Variants in PLXDC2 observed in about 807,000 individuals in gnomAD.
PLXDC2 encodes plexin domain-containing protein 2.
PLXDC2 carries 40 observed loss-of-function variants against 68.9 expected under a neutral mutation model. That is an observed-to-expected ratio of 0.58 (90% CI 0.45 to 0.76). The LOEUF (loss-of-function observed/expected upper bound fraction) is 0.76. PLXDC2 is among the 30% of genes least tolerant of loss of function. PLXDC2 has a pLI of 0.00. For synonymous variants in PLXDC2, 243 were observed against 234.2 expected (o/e 1.04, Z -0.34); for missense variants, 644 against 661.9 (o/e 0.97, Z 0.30).
intron 1 of PLXDC2, among the ~76,000 whole-genome samples, chr10:19,912,807 T>C (rs916128975): frequency 6.6e-6 from 1 of 152,170 alleles, no homozygotes; most frequent in African/African-American, 2.4e-5. Flanking sequence ...TAGCTCTTTC[T>C]CTAGCTAGAC....
intron 1 of PLXDC2, among the ~76,000 whole-genome samples, chr10:19,970,651 G>T (rs1197889053): frequency 6.6e-6 from 1 of 152,120 alleles, no homozygotes; most frequent in Non-Finnish European, 1.5e-5. Context: ...ATGTCATTGT[G>T]TAAACATAAA....
chr10:20,074,459 A>G (rs922517691), intron 4 of PLXDC2, among the ~76,000 whole-genome samples: 1 of 152,112 alleles, frequency 6.6e-6, no homozygotes, highest in Non-Finnish European at 1.5e-5. Flanking sequence ...GAGGTATGGT[A>G]TATTAAAATT....
intron 3 of PLXDC2, among the ~76,000 whole-genome samples, chr10:20,059,089 CAAG>C (rs1463323106): frequency 5.9e-5 from 9 of 152,266 alleles, no homozygotes; most frequent in African/African-American, 2.2e-4. Context: ...TGAATTGTAA[CAAG>C]AACCCTAGGT....
intron 2 of PLXDC2, among the ~76,000 whole-genome samples, chr10:20,045,914 C>T (rs1031207195): frequency 6.6e-6 from 1 of 151,994 alleles, no homozygotes; most frequent in East Asian, 1.9e-4. Context: ...GGATATTTCT[C>T]ATCAAAATTG....
intron 13 of PLXDC2, among the ~76,000 whole-genome samples, chr10:20,253,034 A>G (rs1482214447): frequency 6.6e-6 from 1 of 151,978 alleles, no homozygotes; most frequent in African/African-American, 2.4e-5. Flanking sequence ...AAATTAAATA[A>G]AGTAAATAAA....
intron 6 of PLXDC2, 52 bp downstream of exon 6, chr10:20,147,954 C>T: frequency 1.6e-6 from 2 of 1,245,340 alleles, no homozygotes; most frequent in Non-Finnish European, 1.2e-6. Flanking sequence ...TTGACTGCTG[C>T]CTTTCCTCCA....
chr10:19,842,970 A>G (rs550855207), intron 1 of PLXDC2, among the ~76,000 whole-genome samples: 2 of 152,322 alleles, frequency 1.3e-5, no homozygotes, highest in African/African-American at 2.4e-5. Context: ...ATTGGCTGAT[A>G]TGTTTTCCCC....
chr10:19,942,135 T>C (rs559486774), intron 1 of PLXDC2, among the ~76,000 whole-genome samples: 106 of 152,304 alleles, frequency 7.0e-4, no homozygotes, highest in African/African-American at 2.5e-3. Flanking sequence ...AGTGGTAATT[T>C]TGCAGTCATT....
chr10:20,247,588 A>G (rs1835617092), intron 13 of PLXDC2, among the ~76,000 whole-genome samples: 1 of 152,140 alleles, frequency 6.6e-6, no homozygotes, highest in South Asian at 2.1e-4. Context: ...CTGCCTCGGC[A>G]GCTGGGTATA....
intron 1 of PLXDC2, among the ~76,000 whole-genome samples, chr10:19,891,953 C>T (rs1247833688): frequency 6.6e-6 from 1 of 152,116 alleles, no homozygotes; most frequent in Non-Finnish European, 1.5e-5. Context: ...CATATTAGAT[C>T]ATTCCCTCTT....
intron 13 of PLXDC2, among the ~76,000 whole-genome samples, chr10:20,275,395 C>T (rs1293565435): frequency 6.6e-6 from 1 of 152,056 alleles, no homozygotes; most frequent in Non-Finnish European, 1.5e-5. Flanking sequence ...CCTTGTGATT[C>T]GTGTGGCCAG....
intron 11 of PLXDC2, 23 bp downstream of exon 11, chr10:20,217,599 T>TC: frequency 2.9e-6 from 1 of 344,694 alleles, no homozygotes; most frequent in Non-Finnish European, 3.7e-6. Flanking sequence ...TAGTTTGCTT[T>TC]TTTTTTTTTT....
At chr10:20,177,172 T>A (rs1206843181) in intron 8 of PLXDC2, 78 bp downstream of exon 8, 1 of 1,371,262 alleles carries the variant, frequency 7.3e-7, no homozygotes, top group African/African-American at 1.4e-5. Context: ...GTTATAATAA[T>A]CATATTAAAT....
At chr10:20,095,711 A>G (rs1833341026) in intron 4 of PLXDC2, among the ~76,000 whole-genome samples, 1 of 152,122 alleles carries the variant, frequency 6.6e-6, no homozygotes, top group Non-Finnish European at 1.5e-5. Context: ...GCCTGGTGCC[A>G]CTGGATTATT....
intron 1 of PLXDC2, among the ~76,000 whole-genome samples, chr10:19,983,348 A>G (rs967834985): frequency 1.3e-5 from 2 of 152,174 alleles, no homozygotes; most frequent in Non-Finnish European, 2.9e-5. Context: ...AAGGAAAGAA[A>G]CACTTTTCTT....
At chr10:19,884,640 G>C (rs1340326868) in intron 1 of PLXDC2, among the ~76,000 whole-genome samples, 1 of 152,082 alleles carries the variant, frequency 6.6e-6, no homozygotes, top group Admixed American at 6.6e-5. Context: ...TACTGAGAAT[G>C]ATGATTTCCA....
chr10:20,154,672 T>C (rs1834195650), intron 6 of PLXDC2, among the ~76,000 whole-genome samples: 2 of 152,134 alleles, frequency 1.3e-5, no homozygotes, highest in African/African-American at 2.4e-5. Flanking sequence ...GAAGTTGCAG[T>C]TTCTTTGACT....
chr10:19,915,318 A>G (rs11011671), intron 1 of PLXDC2, among the ~76,000 whole-genome samples: 17,619 of 152,046 alleles, frequency 0.12, 1,437 homozygotes, highest in East Asian at 0.28. Context: ...TCTAGAGATG[A>G]TGCAATACAT....
At chr10:19,946,464 A>G (rs965338324) in intron 1 of PLXDC2, among the ~76,000 whole-genome samples, 13 of 151,622 alleles carry the variant, frequency 8.6e-5, no homozygotes, top group African/African-American at 3.2e-4. Context: ...TGACTCTGTT[A>G]CTTACATGGC....
Sources: allele counts gnomAD v4.1 joint callset (sites outside exome capture counted in the v4.1 genomes callset), GRCh38; gene constraint gnomAD v4.1.1; transcripts MANE v1.5; gene names NCBI Gene and HGNC (gene_info 2026-07-23, HGNC 2026-07-21).